ZNF654: variants seen among roughly 807,000 people sequenced by gnomAD.
The protein encoded by ZNF654 is melanoma-associated antigen.
A neutral mutation model predicts 95.3 loss-of-function variants in ZNF654; 19 were observed. The ratio of observed to expected loss-of-function variants is 0.20; its 90% confidence interval spans 0.14 to 0.29. ZNF654 has a LOEUF of 0.29. Ranked by LOEUF, ZNF654 falls within the 10% of genes least tolerant of loss-of-function variation. The probability of loss-of-function intolerance (pLI) is 1.00; values close to 1 mark genes in which losing one functional copy is unlikely to be tolerated. For synonymous variants in ZNF654, 413 were observed against 457.9 expected, an observed-to-expected ratio of 0.90 and a Z score of 1.25; for missense variants, 1,046 against 1,341.0, an observed-to-expected ratio of 0.78 and a Z score of 3.44.
intron 1 of ZNF654, among the ~76,000 whole-genome samples, chr3:88,069,938 C>T (rs1707413705): frequency 6.6e-6 from 1 of 152,180 alleles, no homozygotes; most frequent in Non-Finnish European, 1.5e-5. Context: ...TCTGGAAATC[C>T]TACCAGTCCC....
chr3:88,116,551 T>C (rs28472694), intron 3 of ZNF654, among the ~76,000 whole-genome samples: 1 of 24,012 alleles, frequency 4.2e-5, no homozygotes, highest in Admixed American at 6.8e-4. Flanking sequence ...CATACATACA[T>C]ACATATATAT....
intron 2 of ZNF654, among the ~76,000 whole-genome samples, chr3:88,109,317 T>C (rs192183497): frequency 2.5e-3 from 386 of 152,254 alleles, no homozygotes; most frequent in African/African-American, 9.1e-3. Flanking sequence ...TAAGTAGGAC[T>C]GAATAGAAAT....
intron 1 of ZNF654, among the ~76,000 whole-genome samples, chr3:88,077,667 A>G (rs1414088558): frequency 7.2e-6 from 1 of 139,544 alleles, no homozygotes; most frequent in Non-Finnish European, 1.6e-5. Context: ...CACATAGGAA[A>G]GATAAATGAA....
intron 1 of ZNF654, among the ~76,000 whole-genome samples, chr3:88,063,248 G>A (rs1706989755): frequency 6.6e-6 from 1 of 152,136 alleles, no homozygotes; most frequent in Non-Finnish European, 1.5e-5. Context: ...GTAATGCCGA[G>A]GTTGAGAAAC....
At chr3:88,059,653 A>G (rs1706731116) in intron 1 of ZNF654, 148 bp downstream of exon 1, 2 of 841,182 alleles carry the variant, frequency 2.4e-6, no homozygotes, top group East Asian at 1.5e-4. Flanking sequence ...TCCTCCACTT[A>G]TCCGGCTTGG....
intron 1 of ZNF654, 129 bp downstream of exon 1, chr3:88,059,634 G>A (rs2107571626): frequency 7.4e-7 from 1 of 1,348,000 alleles, no homozygotes; most frequent in Non-Finnish European, 9.6e-7. Flanking sequence ...GGGTGAGGCT[G>A]AAGCTCCCTC....
At chr3:88,115,497 AGC>A (rs1479424742) in intron 3 of ZNF654, among the ~76,000 whole-genome samples, 1 of 152,196 alleles carries the variant, frequency 6.6e-6, no homozygotes, top group African/African-American at 2.4e-5. Flanking sequence ...TAGGCAGTAG[AGC>A]CTGTCTGGTG....
At position 88,135,061 on chromosome 3, in the gene ZNF654, G is replaced by T; in HGVS notation, c.894G>T (p.Trp298Cys). Reference sequence around the variant, plus strand: ...AATTCTCTTTTTTTCTCATTTACAGGGAGTTGATTTTCATATGGAGTAAAC... The same window carrying T: ...AATTCTCTTTTTTTCTCATTTACAGTGAGTTGATTTTCATATGGAGTAAAC... ...QLQNGDMYCI[W>C]ELIFIWSKLQ... is the part of the protein sequence containing the mutation. The change falls in exon 7 of 9, where the codon TGG (tryptophan) becomes TGT (cysteine). Residue 298 changes from tryptophan (W) to cysteine (C), a missense_variant and splice_region_variant. Trp to Cys is a radical substitution (Grantham distance 215, BLOSUM62 -2). Around this residue, in one of 9 missense-constraint regions of ZNF654, gnomAD observed 121 missense variants for 141.7 expected, o/e 0.85. Transcript: ENST00000636215. 1 of 1,397,084 alleles carries T rather than the reference G, an allele frequency of 7.2e-7. No individual in the cohort carries two copies. Among genetic ancestry groups the T allele is most frequent in the Non-Finnish European group, 9.3e-7 (1 of 1,080,506 alleles). The allele number at this position is 1,397,084 out of a possible 1,614,324, so 86.5% of individuals were successfully genotyped here. A position where few individuals can be genotyped will look rare whatever the true frequency, so the allele number is the denominator to read the frequency against.
chr3:88,060,002 C>T (rs765304976), intron 1 of ZNF654, among the ~76,000 whole-genome samples: 1 of 151,892 alleles, frequency 6.6e-6, no homozygotes, highest in Non-Finnish European at 1.5e-5. Context: ...TCTAGGGTCT[C>T]CTGTCATCCC....
intron 3 of ZNF654, among the ~76,000 whole-genome samples, chr3:88,114,367 A>G (rs1298977659): frequency 6.6e-6 from 1 of 152,204 alleles, no homozygotes; most frequent in Non-Finnish European, 1.5e-5. Context: ...GAGGGACAAT[A>G]TTTAACTTCC....
chr3:88,086,506 C>A, intron 2 of ZNF654, 104 bp downstream of exon 2: 1 of 998,124 alleles, frequency 1.0e-6, no homozygotes, highest in Non-Finnish European at 1.3e-6. Context: ...TAAAGTATTC[C>A]CTCAAAAAGA....
intron 1 of ZNF654, among the ~76,000 whole-genome samples, chr3:88,077,502 T>G (rs1012954157): frequency 1.0e-3 from 57 of 55,062 alleles, no homozygotes; most frequent in Non-Finnish European, 2.1e-3. Flanking sequence ...CCGGCTAATT[T>G]TTTGTGATTT....
At chr3:88,082,414 C>T (rs1708126065) in intron 1 of ZNF654, among the ~76,000 whole-genome samples, 1 of 152,202 alleles carries the variant, frequency 6.6e-6, no homozygotes, top group Non-Finnish European at 1.5e-5. Context: ...CGTGAGCCAC[C>T]ACACCTGGCC....
intron 2 of ZNF654, among the ~76,000 whole-genome samples, chr3:88,106,913 A>T (rs1704776765): frequency 6.6e-6 from 1 of 152,018 alleles, no homozygotes; most frequent in Non-Finnish European, 1.5e-5. Context: ...CGTATACTAA[A>T]TTTTCACATA....
At chr3:88,111,383 A>T (rs1705080425) in intron 2 of ZNF654, among the ~76,000 whole-genome samples, 1 of 151,970 alleles carries the variant, frequency 6.6e-6, no homozygotes, top group South Asian at 2.1e-4. Context: ...AACTTTATGT[A>T]TTGGTATATA....
intron 2 of ZNF654, among the ~76,000 whole-genome samples, chr3:88,100,095 C>T (rs1704317942): frequency 6.6e-6 from 1 of 152,182 alleles, no homozygotes; most frequent in Admixed American, 6.5e-5. Flanking sequence ...GGCTAATATC[C>T]AGAATCTACA....
At chr3:88,090,883 A>T (rs77250048) in intron 2 of ZNF654, among the ~76,000 whole-genome samples, 136 of 152,306 alleles carry the variant, frequency 8.9e-4, no homozygotes, top group African/African-American at 3.2e-3. Context: ...TTGCAAAAAG[A>T]TTACGTAATG....
chr3:88,059,717 A>G (rs1377962851), intron 1 of ZNF654, among the ~76,000 whole-genome samples: 1 of 151,626 alleles, frequency 6.6e-6, no homozygotes, highest in African/African-American at 2.4e-5. Context: ...GGTTGCTGAG[A>G]AAGTGAGTTT....
At chr3:88,066,921 G>C (rs55883959) in intron 1 of ZNF654, among the ~76,000 whole-genome samples, 10,260 of 152,266 alleles carry the variant, frequency 0.067, 475 homozygotes, top group Non-Finnish European at 0.1. Context: ...ATATTAATAT[G>C]TAATGTTAAA....
Sources: allele counts gnomAD v4.1 joint callset (sites outside exome capture counted in the v4.1 genomes callset), GRCh38; gene constraint gnomAD v4.1.1; regional missense constraint gnomAD v4.1.1; transcripts MANE v1.5; gene names NCBI Gene and HGNC (gene_info 2026-07-23, HGNC 2026-07-21).